The following CEP43 variants were observed in gnomAD, a reference collection of about 807,000 sequenced individuals.
The protein encoded by CEP43 is FGFR1 oncogene partner.
A neutral mutation model predicts 52.6 loss-of-function variants in CEP43; 36 were observed. The observed-to-expected ratio is 0.68, with a 90% CI of 0.52 to 0.90. The LOEUF (loss-of-function observed/expected upper bound fraction) is 0.90. Ranked by LOEUF, CEP43 falls within the 40% of genes least tolerant of loss-of-function variation. The pLI, the probability that CEP43 is intolerant of heterozygous loss-of-function variation, is 0.00. For missense variants in CEP43, 506 were observed against 472.8 expected, an observed-to-expected ratio of 1.07 and a Z score of -0.65; for synonymous variants, 192 against 172.4, an observed-to-expected ratio of 1.11 and a Z score of -0.89.
At chr6:167,028,499 T>G in intron 10 of CEP43, 1 of 985,258 alleles carries the variant, frequency 1.0e-6, no homozygotes, top group Non-Finnish European at 1.2e-6. Context: ...TATTTCGTTT[T>G]GCAACAATGT....
intron 7 of CEP43, among the ~76,000 whole-genome samples, chr6:167,015,342 T>C (rs564917411): frequency 6.6e-6 from 1 of 152,352 alleles, no homozygotes; most frequent in African/African-American, 2.4e-5. Context: ...TTGCCAGCCT[T>C]ACTTATATGG....
rs781684395 is a variant in CEP43, at chr6:166,999,445, G to T, written c.33G>T (p.Glu11Asp). 102 of 1,481,180 alleles carry T rather than the reference G, an allele frequency of 6.9e-5. No homozygotes were observed. Among genetic ancestry groups the T allele is most frequent in the Middle Eastern group, 2.2e-4 (1 of 4,512 alleles). 91.8% of individuals were successfully genotyped at this position (1,481,180 alleles called of 1,614,324 possible). ...CGACGGCGGCCGCAGTGGTGGCCGA[G>T]GAGGACACGGAGCTGCGGGACCTGC... MAATAAAVVA[E>D]EDTELRDLLV... is the part of the protein sequence containing the mutation. Residue 11 changes from glutamate to aspartate, a missense_variant, in exon 1 of 13, where the codon GAG (glutamate) becomes GAT (aspartate). Transcript: ENST00000366847.
intron 7 of CEP43, among the ~76,000 whole-genome samples, chr6:167,021,221 T>A (rs2128663643): frequency 6.6e-6 from 1 of 152,316 alleles, no homozygotes; most frequent in Admixed American, 6.5e-5. Context: ...TTTGGGAAAT[T>A]GCCATTTTTA....
chr6:167,039,048 A>T lies in CEP43; in HGVS notation c.1126-856A>T, dbSNP rs535185233. Reference sequence around the variant, plus strand: ...TCCTGCTTATTAATGGGAAGATGTGATGTTTGGTTTTCCATTCCTGAGTTA... The same window carrying T: ...TCCTGCTTATTAATGGGAAGATGTGTTGTTTGGTTTTCCATTCCTGAGTTA... On this transcript the variant is annotated intron_variant, in intron 12 of 12. Coordinates refer to ENST00000366847, the MANE Select transcript of CEP43 (RefSeq NM_007045.4). Among the ~76,000 whole-genome samples, 4 of 152,178 alleles carry T rather than the reference A, an allele frequency of 2.6e-5. No individual in the cohort carries two copies. The South Asian group carries it at 8.3e-4, about 32-fold the overall frequency.
At chr6:167,004,225 C>T (rs1446365259) in intron 4 of CEP43, 39 bp from the exon 5 acceptor site, 1 of 1,571,214 alleles carries the variant, frequency 6.4e-7, no homozygotes, top group Middle Eastern at 1.7e-4. Flanking sequence ...ATAACTTCTG[C>T]TATTTTTTTG....
chr6:167,032,829 G>T (rs954758152), intron 11 of CEP43, among the ~76,000 whole-genome samples, 187 bp downstream of exon 11: 3 of 152,074 alleles, frequency 2.0e-5, no homozygotes, highest in African/African-American at 7.2e-5. Flanking sequence ...GCATGTTTTT[G>T]ATTTTACATT....
chr6:167,035,076 G>A (rs556338026), intron 12 of CEP43, among the ~76,000 whole-genome samples: 1 of 152,272 alleles, frequency 6.6e-6, no homozygotes, highest in Admixed American at 6.5e-5. Flanking sequence ...GAGGAGGTGT[G>A]GCATCCCTTT....
chr6:167,027,263 G>A (rs1042182742), intron 10 of CEP43, among the ~76,000 whole-genome samples: 5 of 152,138 alleles, frequency 3.3e-5, no homozygotes, highest in Admixed American at 1.3e-4. Flanking sequence ...GAACATTACC[G>A]AGCCCTGGGC....
At chr6:167,027,910 A>G (rs769222728) in intron 10 of CEP43, 2 of 985,624 alleles carry the variant, frequency 2.0e-6, no homozygotes, top group Non-Finnish European at 2.4e-6. Flanking sequence ...TGTTCCGCAC[A>G]GTGCCCTGGA....
chr6:167,010,209 ACCT>A (rs1349879407), intron 5 of CEP43, among the ~76,000 whole-genome samples: 2 of 152,006 alleles, frequency 1.3e-5, no homozygotes, highest in Non-Finnish European at 2.9e-5. Flanking sequence ...CATTTTAAAA[ACCT>A]CCTCCTTGGC....
At chr6:167,025,065 T>G in intron 9 of CEP43, 171 bp downstream of exon 9, 2 of 548,290 alleles carry the variant, frequency 3.6e-6, no homozygotes, top group South Asian at 2.6e-5. Flanking sequence ...ACTTCTAAGG[T>G]GGTCCTATTT....
chr6:167,043,694 C>T lies in CEP43; in HGVS notation c.*3716C>T, dbSNP rs1441539377. 1 of 152,210 alleles carries T rather than the reference C, an allele frequency of 6.6e-6. No homozygotes were observed. The highest frequency in any genetic ancestry group is 1.5e-5 in the Non-Finnish European group (1 of 68,118). The allele number at this position is 152,210 out of a possible 1,614,324, so 9.4% of individuals were successfully genotyped here. Reference sequence around the variant, plus strand: ...CACGGTGCCCGGCCTAGTCTTCCTGCTCTAGGAAGGGACGTGTTTGGGGAG... The same window carrying T: ...CACGGTGCCCGGCCTAGTCTTCCTGTTCTAGGAAGGGACGTGTTTGGGGAG... On this transcript the variant is annotated 3_prime_UTR_variant, in exon 13 of 13. Coordinates refer to ENST00000366847, the MANE Select transcript of CEP43 (RefSeq NM_007045.4).
At position 167,044,357 on chromosome 6, in the gene CEP43, C is replaced by G. The variant is rs1365981548; in HGVS notation, c.*4379C>G. 2 of 982,052 alleles carry G rather than the reference C, an allele frequency of 2.0e-6. No homozygotes were observed. The highest frequency in any genetic ancestry group is 2.4e-6 in the Non-Finnish European group (2 of 826,864). 60.8% of individuals were successfully genotyped at this position (982,052 alleles called of 1,614,324 possible). On this transcript the variant is annotated 3_prime_UTR_variant, in exon 13 of 13. Coordinates refer to ENST00000366847, the MANE Select transcript of CEP43 (RefSeq NM_007045.4). ...AGCAGGGCTGAATAATGGGATGACTCAAAATCAGTAAGCTCAAAGGCAATT... is the reference window on the plus strand; with the variant it reads ...AGCAGGGCTGAATAATGGGATGACTGAAAATCAGTAAGCTCAAAGGCAATT...
Position 167,052,691 on chromosome 6 carries a change from A to G in CEP43, c.*12713A>G, listed in dbSNP as rs1311588517. ...ACAGTCTGGGTTTTGTTCAGTTGAA[A>G]TTAAATAAATTTTATGCACAAACCT... On this transcript the variant is annotated 3_prime_UTR_variant, in exon 13 of 13. Transcript: ENST00000366847. The G allele has an allele frequency of 1.3e-5, 2 of 152,196 alleles. No individual in the cohort carries two copies. Among genetic ancestry groups the G allele is most frequent in the Non-Finnish European group, 2.9e-5 (2 of 68,046 alleles). The allele number at this position is 152,196 out of a possible 1,614,324, so 9.4% of individuals were successfully genotyped here.
Position 167,041,508 on chromosome 6 carries a change from GGTT to G in CEP43, c.*1534_*1536del. Reference sequence around the variant, plus strand: ...TAATCTTGTTGCAGTCCCCCAGTGTGGTTGTTATAAAATGCATTTCTTTGTAAG... The same window carrying G: ...TAATCTTGTTGCAGTCCCCCAGTGTGGTTATAAAATGCATTTCTTTGTAAG... On this transcript the variant is annotated 3_prime_UTR_variant, in exon 13 of 13. Coordinates refer to ENST00000366847, the MANE Select transcript of CEP43 (RefSeq NM_007045.4). The G allele has an allele frequency of 3.8e-6, 4 of 1,055,118 alleles. No individual in the cohort carries two copies. Among genetic ancestry groups the G allele is most frequent in the Non-Finnish European group, 4.6e-6 (4 of 872,884 alleles). The allele number at this position is 1,055,118 out of a possible 1,614,324, so 65.4% of individuals were successfully genotyped here.
rs1780821780 is a variant in CEP43, at chr6:167,047,846, G to A, written c.*7868G>A. 1 of 152,128 alleles carries A rather than the reference G, an allele frequency of 6.6e-6. No individual in the cohort carries two copies. The highest frequency in any genetic ancestry group is 2.4e-5 in the African/African-American group (1 of 41,432). 9.4% of individuals were successfully genotyped at this position (152,128 alleles called of 1,614,324 possible). ...CTGGTCTTGACTCCACTACCACTCAGAGGAACCTCACGGTGGATGCCGTAA... is the reference window on the plus strand; with the variant it reads ...CTGGTCTTGACTCCACTACCACTCAAAGGAACCTCACGGTGGATGCCGTAA... On this transcript the variant is annotated 3_prime_UTR_variant, in exon 13 of 13. Transcript: ENST00000366847.
At chr6:167,006,896 GA>G (rs1194833062) in intron 5 of CEP43, among the ~76,000 whole-genome samples, 39 of 152,122 alleles carry the variant, frequency 2.6e-4, no homozygotes, top group Admixed American at 7.2e-4. Flanking sequence ...TAGTATATTC[GA>G]ATCCTGTGTG....
chr6:167,041,941 A>T lies in CEP43; in HGVS notation c.*1963A>T, dbSNP rs1323906337. On this transcript the variant is annotated 3_prime_UTR_variant, in exon 13 of 13. Transcript: ENST00000366847. ...TGGGTTCAAGCGATTCTCCTGCTTC[A>T]GCCTCCTGAGTAGCTGGGATTACAG... is the stretch of plus-strand genomic sequence containing the variant. The T allele has an allele frequency of 1.1e-5, 5 of 470,008 alleles. No homozygotes were observed. The highest frequency in any genetic ancestry group is 1.4e-5 in the Non-Finnish European group (5 of 354,232). The allele number at this position is 470,008 out of a possible 1,614,324, so 29.1% of individuals were successfully genotyped here. A position where few individuals can be genotyped will look rare whatever the true frequency, so the allele number is the denominator to read the frequency against.
At chr6:167,013,044 A>G (rs1290299336) in intron 6 of CEP43, among the ~76,000 whole-genome samples, 1 of 152,084 alleles carries the variant, frequency 6.6e-6, no homozygotes, top group Non-Finnish European at 1.5e-5. Context: ...CTTGCTAGCT[A>G]CCTCCTACCA....
Sources: gnomAD v4.1 joint callset for allele counts (sites outside exome capture counted in the v4.1 genomes callset) on GRCh38, gnomAD v4.1.1 for gene constraint, MANE v1.5 for transcripts, NCBI Gene and HGNC (gene_info 2026-07-23, HGNC 2026-07-21) for gene names.